Variants in ZNF335 observed in about 807,000 individuals in gnomAD.
The protein encoded by ZNF335 is NRC-interacting factor 1.
In ZNF335, 84 loss-of-function variants were observed where a neutral mutation model predicts 145.6. The observed-to-expected ratio is 0.58, with a 90% confidence interval of 0.48 to 0.69. The LOEUF is 0.69. Ranked by LOEUF, ZNF335 falls within the 30% of genes least tolerant of loss-of-function variation. ZNF335 has a pLI of 0.00. For synonymous variants in ZNF335, 761 were observed against 717.0 expected, an observed-to-expected ratio of 1.06 and a Z score of -0.98; for missense variants, 1,865 against 1,809.7, an observed-to-expected ratio of 1.03 and a Z score of -0.55.
At chr20:45,958,055 C>CTTTT in intron 15 of ZNF335, 127 bp from the exon 16 acceptor site, 2 of 583,474 alleles carry the variant, frequency 3.4e-6, no homozygotes, top group African/African-American at 2.0e-5. Flanking sequence ...AACCACTTTT[C>CTTTT]TTTTTTTTTT....
In ZNF335 at chr20:45,959,279, A is replaced by G; in HGVS notation, c.2175T>C (p.Ser725=). ...EPPSRRRPFF[S]LQQIEELKQQ... is the part of the protein sequence containing the mutation. The stretch of plus-strand genomic sequence containing the variant: ...GCTTCAGCTCCTCAATCTGCTGCAG[A>G]GAGAAGAAGGGGCGACGGCGGGAGG... The change falls in exon 15 of 28, where the codon TCT becomes TCC. Residue 725 remains serine (S), a synonymous_variant. Coordinates refer to ENST00000322927, the MANE Select transcript of ZNF335 (RefSeq NM_022095.4). 6.5e-7 allele frequency: 1 copy of G among 1,543,340 alleles called. No individual in the cohort carries two copies. The highest frequency in any genetic ancestry group is 8.8e-7 in the Non-Finnish European group (1 of 1,139,900).
At chr20:45,966,431 G>C (rs1317030709) in intron 6 of ZNF335, among the ~76,000 whole-genome samples, 2 of 152,170 alleles carry the variant, frequency 1.3e-5, no homozygotes, top group Middle Eastern at 3.4e-3. Context: ...TTTAGGGCCA[G>C]GCACAGCCGC....
At chr20:45,968,254 G>C (rs745696307) in intron 4 of ZNF335, 31 bp downstream of exon 4, 2 of 1,606,056 alleles carry the variant, frequency 1.2e-6, no homozygotes, top group South Asian at 2.2e-5. Flanking sequence ...CCCACTGCAG[G>C]CCTCCCCGAT....
intron 3 of ZNF335, 22 bp from the exon 4 acceptor site, chr20:45,968,384 T>C: frequency 1.9e-6 from 3 of 1,600,898 alleles, no homozygotes; most frequent in East Asian, 2.3e-5. Context: ...TGGGGAAGGG[T>C]CACACCTCCT....
In ZNF335 at chr20:45,963,474, T is replaced by G. The variant is rs2083888812; in HGVS notation, c.1532A>C (p.Lys511Thr). The change falls in exon 9 of 28, where the codon AAG becomes ACG. Residue 511 changes from lysine to threonine, a missense_variant and splice_region_variant. Physicochemically the swap from Lys to Thr is moderately conservative, Grantham distance 78. Coordinates refer to ENST00000322927, the MANE Select transcript of ZNF335 (RefSeq NM_022095.4). ...CCCAAGCCTCTTTGGCTCCCGCACC[T>G]TGAGCGAGGACCAGCGGCGGGAACG... ...SYRSRRWSSLKEHMFNHVGSK... is the reference protein window; with the variant it reads ...SYRSRRWSSLTEHMFNHVGSK... 6.2e-7 allele frequency: 1 copy of G among 1,610,594 alleles called. No homozygotes were observed. Among genetic ancestry groups the G allele is most frequent in the Admixed American group, 1.7e-5 (1 of 59,936 alleles).
intron 15 of ZNF335, among the ~76,000 whole-genome samples, chr20:45,958,704 C>T (rs894836006): frequency 1.3e-5 from 2 of 152,202 alleles, no homozygotes; most frequent in African/African-American, 2.4e-5. Flanking sequence ...GACTAAGCAA[C>T]GATCTTCAGG....
At chr20:45,956,021 A>G (rs1439259485) in intron 17 of ZNF335, among the ~76,000 whole-genome samples, 4 of 152,144 alleles carry the variant, frequency 2.6e-5, no homozygotes, top group Non-Finnish European at 5.9e-5. Context: ...GCCGTGCATC[A>G]CATGCTGTTA....
chr20:45,958,421 G>A (rs554569787), intron 15 of ZNF335, among the ~76,000 whole-genome samples: 1 of 152,284 alleles, frequency 6.6e-6, no homozygotes, highest in South Asian at 2.1e-4. Flanking sequence ...TGAAGTGGCT[G>A]GCCAAGAATC....
At chr20:45,959,561 A>T in intron 14 of ZNF335, 128 bp from the exon 15 acceptor site, 1 of 649,094 alleles carries the variant, frequency 1.5e-6, no homozygotes, top group Non-Finnish European at 2.3e-6. Context: ...GTATGTAGGC[A>T]AACACATGCC....
In ZNF335 at chr20:45,949,045, G is replaced by C. The variant is rs1422722651; in HGVS notation, c.3937C>G (p.Leu1313Val). ...GGCACTGTCTCGTCTGTACCAAACA[G>C]GCCCTGGGCTTGGGCCATGGCAGCA... Reference protein sequence around the residue: ...ADAAMAQAQGLFGTDETVPEH... With the variant: ...ADAAMAQAQGVFGTDETVPEH... Residue 1313 changes from leucine to valine, a missense_variant, in exon 28 of 28, where the codon CTG becomes GTG. By Grantham distance (32) the Leu-to-Val change is conservative. Coordinates refer to ENST00000322927, the MANE Select transcript of ZNF335 (RefSeq NM_022095.4). 1 of 1,613,882 alleles carries C rather than the reference G, an allele frequency of 6.2e-7. No individual in the cohort carries two copies. Among genetic ancestry groups the C allele is most frequent in the South Asian group, 1.1e-5 (1 of 91,092 alleles).
intron 18 of ZNF335, among the ~76,000 whole-genome samples, chr20:45,952,964 C>T (rs946472412): frequency 6.6e-6 from 1 of 151,874 alleles, no homozygotes; most frequent in East Asian, 1.9e-4. Flanking sequence ...AGGTGGGGGG[C>T]ACACAGTGAG....
intron 20 of ZNF335, among the ~76,000 whole-genome samples, chr20:45,951,366 C>T (rs2145357260): frequency 6.6e-6 from 1 of 152,346 alleles, no homozygotes; most frequent in African/African-American, 2.4e-5. Flanking sequence ...TGTGAACCTG[C>T]CCCAGAACTG....
rs61555698 is a variant in ZNF335 at position 45,955,350 on chromosome 20, C to CAAAAAAAAAAAAAAAA, written c.2443-1418_2443-1403dup. Among the ~76,000 whole-genome samples, 72 of 37,318 alleles carry CAAAAAAAAAAAAAAAA rather than the reference C, an allele frequency of 1.9e-3. 12 individuals carry two copies. In the East Asian group the frequency reaches 0.045, roughly 23 times the overall value. 24.5% of individuals were successfully genotyped at this position (37,318 alleles called of 152,430 possible). A position where few individuals can be genotyped will look rare whatever the true frequency, so the allele number is the denominator to read the frequency against. ...TGGGCAACAGAGCAAGACTCTGTCT[C>CAAAAAAAAAAAAAAAA]AAAAAAAAAAAAAAAAAAAAGATTT... is the stretch of plus-strand genomic sequence containing the variant. On this transcript the variant is annotated intron_variant, in intron 17 of 27. Coordinates refer to ENST00000322927, the MANE Select transcript of ZNF335 (RefSeq NM_022095.4).
At position 45,953,913 on chromosome 20, in the gene ZNF335, C is replaced by A. The variant is rs775639128; in HGVS notation, c.2478G>T (p.Gly826=). The A allele has an allele frequency of 1.2e-6, 2 of 1,610,088 alleles. No homozygotes were observed. The highest frequency in any genetic ancestry group is 2.2e-5 in the East Asian group (1 of 44,786). ...AVVKSEDVEA[G]LASPGGQPSP... ...AGGGCTGCCCACCAGGGGATGCTAA[C>A]CCTGCTTCCACATCTTCCGACTTCA... The change falls in exon 18 of 28, where the codon GGG becomes GGT. Residue 826 remains glycine (G), a synonymous_variant. Coordinates refer to ENST00000322927, the MANE Select transcript of ZNF335 (RefSeq NM_022095.4).
intron 25 of ZNF335, 39 bp downstream of exon 25, chr20:45,949,446 C>T: frequency 6.2e-7 from 1 of 1,613,966 alleles, no homozygotes; most frequent in South Asian, 1.1e-5. Context: ...GTCATGCAGC[C>T]CTTCACCACA....
chr20:45,970,490 G>A (rs2084038513), intron 2 of ZNF335, among the ~76,000 whole-genome samples: 2 of 152,170 alleles, frequency 1.3e-5, no homozygotes, highest in Non-Finnish European at 2.9e-5. Flanking sequence ...AACTCTATGA[G>A]GCAGGTATAT....
At chr20:45,972,101 C>G in intron 1 of ZNF335, 21 bp downstream of exon 1, 1 of 1,289,242 alleles carries the variant, frequency 7.8e-7, no homozygotes, top group Middle Eastern at 2.1e-4. Flanking sequence ...GTGGGGCCGC[C>G]TAACTCTACC....
Position 45,948,748 on chromosome 20 carries a change from T to TGCAG in ZNF335, c.*201_*204dup. 1 of 705,818 alleles carries TGCAG rather than the reference T, an allele frequency of 1.4e-6. No homozygotes were observed. Among genetic ancestry groups the TGCAG allele is most frequent in the Non-Finnish European group, 2.3e-6 (1 of 430,262 alleles). 43.7% of individuals were successfully genotyped at this position (705,818 alleles called of 1,614,324 possible). A position where few individuals can be genotyped will look rare whatever the true frequency, so the allele number is the denominator to read the frequency against. ...ATAAATTTCTCTCCCAAAGCCTGCC[T>TGCAG]GCAGGCTGGGGCACCCAGCATGTCC... On this transcript the variant is annotated 3_prime_UTR_variant, in exon 28 of 28. Transcript: ENST00000322927.
intron 15 of ZNF335, among the ~76,000 whole-genome samples, 190 bp from the exon 16 acceptor site, chr20:45,958,118 G>A (rs2083763259): frequency 6.6e-6 from 1 of 151,354 alleles, no homozygotes; most frequent in Admixed American, 6.6e-5. Context: ...GCTCAATCTA[G>A]GCTCACTACA....
Sources: allele counts gnomAD v4.1 joint callset (sites outside exome capture counted in the v4.1 genomes callset), GRCh38; gene constraint gnomAD v4.1.1; transcripts MANE v1.5; gene names NCBI Gene and HGNC (gene_info 2026-07-23, HGNC 2026-07-21).